Variants in FGFR2 observed in about 807,000 individuals in gnomAD.
The protein encoded by FGFR2 is fibroblast growth factor receptor 2.
FGFR2 carries 19 observed loss-of-function variants against 95.9 expected under a neutral mutation model. The ratio of observed to expected loss-of-function variants is 0.20; its 90% CI spans 0.14 to 0.29. The LOEUF is 0.29. FGFR2 is among the 10% of genes least tolerant of loss of function. The pLI is 1.00. For missense variants in FGFR2, 707 were observed against 1,056.9 expected, an observed-to-expected ratio of 0.67 and a Z score of 4.59; for synonymous variants, 392 against 393.3, an observed-to-expected ratio of 1.00 and a Z score of 0.04.
chr10:121,518,595 G>A lies in FGFR2; in HGVS notation c.940-1132C>T, dbSNP rs2134277720. 2 of 1,471,126 alleles carry A rather than the reference G, an allele frequency of 1.4e-6. No homozygotes were observed. The highest frequency in any genetic ancestry group is 1.9e-6 in the Non-Finnish European group (2 of 1,058,860). The allele number at this position is 1,471,126 out of a possible 1,614,324, so 91.1% of individuals were successfully genotyped here. A position where few individuals can be genotyped will look rare whatever the true frequency, so the allele number is the denominator to read the frequency against. On this transcript the variant is annotated intron_variant, in intron 7 of 17. Transcript: ENST00000358487. This position sits in a 1 kb window ranked among gnomAD's most constrained non-coding sequence, Gnocchi z 4.0. ...GGCCACAAGAGTTATCCTATAAGCT[G>A]CCTGCAGTCTCCCAAAGCACCAAGT...
rs572011545 is a variant in FGFR2, at chr10:121,542,475, A to C, written c.625-3760T>G. On this transcript the variant is annotated intron_variant, in intron 5 of 17. Transcript: ENST00000358487. ...AACCAATGGATCTGGCAAAACAAACACAAAAGCCAGTGAGAGAAGAAATTC... is the reference window on the plus strand; with the variant it reads ...AACCAATGGATCTGGCAAAACAAACCCAAAAGCCAGTGAGAGAAGAAATTC... 6.6e-5 allele frequency among the ~76,000 whole-genome samples: 10 copies of C among 152,266 alleles called. 1 individual carries two copies. In the South Asian group the frequency reaches 2.1e-3, roughly 32 times the overall value.
intron 2 of FGFR2, among the ~76,000 whole-genome samples, chr10:121,586,380 C>G (rs1027322194): frequency 2.0e-5 from 3 of 152,198 alleles, no homozygotes; most frequent in African/African-American, 7.2e-5. Context: ...ACCTGAAACT[C>G]TATATGTGTG....
chr10:121,515,307 T>C lies in FGFR2; in HGVS notation c.1097A>G (p.Glu366Gly), dbSNP rs752220358. Residue 366 changes from glutamate (E) to glycine (G), a missense_variant, in exon 9 of 18, where the codon GAA (glutamate) becomes GGA (glycine). By Grantham distance (98) the Glu-to-Gly change is moderately conservative (BLOSUM62 -2). Transcript: ENST00000358487. ...GTCTGGGGAAGCTGTAATCTCCTTT[T>C]CTCTTCCAGGCGCTAGATTGCAGAT... Reference protein sequence around the residue: ...WLTVLPAPGREKEITASPDYL... With the variant: ...WLTVLPAPGRGKEITASPDYL... 3 of 1,613,930 alleles carry C rather than the reference T, an allele frequency of 1.9e-6. No homozygotes were observed. The highest frequency in any genetic ancestry group is 2.5e-6 in the Non-Finnish European group (3 of 1,180,024).
chr10:121,585,090 C>T (rs1861637228), intron 2 of FGFR2, among the ~76,000 whole-genome samples: 1 of 152,188 alleles, frequency 6.6e-6, no homozygotes, highest in Non-Finnish European at 1.5e-5. Flanking sequence ...TGCCAAAATA[C>T]ATTGTTCCTC....
intron 8 of FGFR2, among the ~76,000 whole-genome samples, chr10:121,515,899 T>A (rs539826459): frequency 6.6e-6 from 1 of 150,668 alleles, no homozygotes; most frequent in Non-Finnish European, 1.5e-5. Flanking sequence ...AACAAACCAA[T>A]GCATTAAATA....
At chr10:121,510,197 T>C (rs2912759) in intron 9 of FGFR2, among the ~76,000 whole-genome samples, 90,314 of 152,064 alleles carry the variant, frequency 0.59, 30,060 homozygotes, top group East Asian at 0.88. Context: ...TTTTCTCCCA[T>C]AGCGAGTCTC....
chr10:121,556,411 C>G (rs1423605374), intron 4 of FGFR2, among the ~76,000 whole-genome samples: 1 of 150,392 alleles, frequency 6.6e-6, no homozygotes, highest in Non-Finnish European at 1.5e-5. Flanking sequence ...CTCTCTCTCT[C>G]TCTCTCTCTC....
intron 2 of FGFR2, among the ~76,000 whole-genome samples, chr10:121,577,206 GAC>G (rs1491052953): frequency 3.8e-4 from 45 of 118,336 alleles, no homozygotes; most frequent in African/African-American, 1.5e-3. Flanking sequence ...GAGAGAGAGA[GAC>G]ACCAAACAGA....
chr10:121,536,225 T>G (rs1406841099), intron 6 of FGFR2, among the ~76,000 whole-genome samples: 2 of 152,226 alleles, frequency 1.3e-5, no homozygotes, highest in African/African-American at 4.8e-5. Context: ...ATTCTTATTT[T>G]ATTAGTGCTT....
rs759496942 is a variant in FGFR2, at chr10:121,479,899, G to C, written c.2424C>G (p.Cys808Trp). The C allele has an allele frequency of 1.6e-5, 26 of 1,614,034 alleles. No homozygotes were observed. The Admixed American group carries it at 2.5e-4, about 16-fold the overall frequency. ...FSPDPMPYEP[C>W]LPQYPHINGS... ...CGTTTATGTGTGGATACTGAGGAAGGCATGGTTCGTAAGGCATGGGGTCTG... is the reference window on the plus strand; with the variant it reads ...CGTTTATGTGTGGATACTGAGGAAGCCATGGTTCGTAAGGCATGGGGTCTG... The change falls in exon 18 of 18, where the codon TGC becomes TGG. Residue 808 changes from cysteine (C) to tryptophan (W), a missense_variant. Physicochemically the swap from Cys to Trp is radical, Grantham distance 215. Coordinates refer to ENST00000358487, the MANE Select transcript of FGFR2 (RefSeq NM_000141.5).
intron 2 of FGFR2, among the ~76,000 whole-genome samples, chr10:121,570,665 C>T (rs1432008092): frequency 1.3e-5 from 2 of 152,240 alleles, no homozygotes; most frequent in Non-Finnish European, 2.9e-5. Flanking sequence ...CCAGAAGCCG[C>T]CTTGCTATGC....
chr10:121,564,779 T>C (rs1462998234), intron 3 of FGFR2, among the ~76,000 whole-genome samples, 200 bp from the exon 4 acceptor site: 1 of 152,210 alleles, frequency 6.6e-6, no homozygotes, highest in Non-Finnish European at 1.5e-5. Context: ...GTTATGATTC[T>C]CAATGTTTTC....
rs1849962123 is a variant in FGFR2 at position 121,518,243 on chromosome 10, A to T, written c.940-780T>A. On this transcript the variant is annotated intron_variant, in intron 7 of 17. Coordinates refer to ENST00000358487, the MANE Select transcript of FGFR2 (RefSeq NM_000141.5). This position sits in a 1 kb window ranked among gnomAD's most constrained non-coding sequence, Gnocchi z 4.0. ...AAGGATCAACCATGCAACCAAAGAA[A>T]TGATGCTTTGTTGAACAAATTGCAT... 6.6e-6 allele frequency among the ~76,000 whole-genome samples: 1 copy of T among 152,256 alleles called. No individual in the cohort carries two copies. The highest frequency in any genetic ancestry group is 2.1e-4 in the South Asian group (1 of 4,834).
chr10:121,486,662 G>A (rs1845447575), intron 15 of FGFR2, among the ~76,000 whole-genome samples: 1 of 152,170 alleles, frequency 6.6e-6, no homozygotes, highest in African/African-American at 2.4e-5. Flanking sequence ...GGATGGCCTT[G>A]ATCTCCTGAC....
At chr10:121,579,962 C>T (rs554625919) in intron 2 of FGFR2, among the ~76,000 whole-genome samples, 1 of 152,296 alleles carries the variant, frequency 6.6e-6, no homozygotes, top group African/African-American at 2.4e-5. Context: ...GCTGCTGGGA[C>T]AAGCTCACCT....
At position 121,593,789 on chromosome 10, in the gene FGFR2, A is replaced by G. The variant is rs1863033429; in HGVS notation, c.29T>C (p.Leu10Pro). The G allele has an allele frequency of 1.2e-6, 2 of 1,614,234 alleles. No homozygotes were observed. Among genetic ancestry groups the G allele is most frequent in the African/African-American group, 2.7e-5 (2 of 75,068 alleles). Reference protein sequence around the residue: MVSWGRFICLVVVTMATLSL... With the variant: MVSWGRFICPVVVTMATLSL... Reference sequence around the variant, plus strand: ...CAAGGTTGCCATGGTGACCACGACCAGGCAGATGAAACGACCCCAGCTGAC... The same window carrying G: ...CAAGGTTGCCATGGTGACCACGACCGGGCAGATGAAACGACCCCAGCTGAC... The change falls in exon 2 of 18, where the codon CTG becomes CCG. Residue 10 changes from leucine (L) to proline (P), a missense_variant. Leu to Pro is a moderately conservative substitution (Grantham distance 98). Around this residue, in one of 7 missense-constraint regions of FGFR2, gnomAD observed 178 missense variants for 194.1 expected, o/e 0.92. Coordinates refer to ENST00000358487, the MANE Select transcript of FGFR2 (RefSeq NM_000141.5).
At chr10:121,574,321 G>C (rs1267925393) in intron 2 of FGFR2, among the ~76,000 whole-genome samples, 1 of 152,046 alleles carries the variant, frequency 6.6e-6, no homozygotes, top group Non-Finnish European at 1.5e-5. Context: ...TTGAGGTCAG[G>C]AGTTCGAGAC....
At position 121,565,176 on chromosome 10, in the gene FGFR2, C is replaced by CA. The variant is rs71865754; in HGVS notation, c.376+261dup. 0.32 allele frequency among the ~76,000 whole-genome samples: 31,130 copies of CA among 98,040 alleles called. 6,097 individuals are homozygous for CA. Among genetic ancestry groups the CA allele is most frequent in the African/African-American group, 0.55 (15,446 of 27,952 alleles). The allele number at this position is 98,040 out of a possible 152,430, so 64.3% of individuals were successfully genotyped here. On this transcript the variant is annotated intron_variant, in intron 3 of 17. Transcript: ENST00000358487. ...CTAAATGCCAGAGATGTCAGTGGTA[C>CA]AAAAAAAAAAAAAAAAAAGCATGTA...
intron 4 of FGFR2, among the ~76,000 whole-genome samples, chr10:121,554,451 G>C (rs984939816): frequency 6.7e-6 from 1 of 150,096 alleles, no homozygotes; most frequent in Non-Finnish European, 1.5e-5. Flanking sequence ...CCATTCTCCT[G>C]CCTCAGCCTC....
Sources: gnomAD v4.1 joint callset for allele counts (sites outside exome capture counted in the v4.1 genomes callset) on GRCh38, gnomAD v4.1.1 for gene constraint, gnomAD v4.1.1 regional missense constraint, Gnocchi (gnomAD v3.1) non-coding constraint, MANE v1.5 for transcripts, NCBI Gene and HGNC (gene_info 2026-07-23, HGNC 2026-07-21) for gene names.